The following FILIP1L variants were observed in gnomAD, a reference collection of about 807,000 sequenced individuals.
FILIP1L encodes the protein filamin A-interacting protein 1-like.
A neutral mutation model predicts 96.6 loss-of-function variants in FILIP1L; 55 were observed. The observed-to-expected ratio is 0.57, with a 90% CI of 0.46 to 0.71. The LOEUF (loss-of-function observed/expected upper bound fraction) is 0.71. Ranked by LOEUF, FILIP1L falls within the 30% of genes least tolerant of loss-of-function variation. The probability of loss-of-function intolerance (pLI) is 0.00; values close to 1 mark genes in which losing one functional copy is unlikely to be tolerated. For missense variants in FILIP1L, 1,304 were observed against 1,321.2 expected (o/e 0.99, Z 0.20); for synonymous variants, 467 against 473.9 (o/e 0.99, Z 0.19).
At chr3:99,869,649 G>A (rs1465994871) in intron 4 of FILIP1L, among the ~76,000 whole-genome samples, 1 of 152,120 alleles carries the variant, frequency 6.6e-6, no homozygotes, top group Admixed American at 6.5e-5. Flanking sequence ...TCCTGGACCA[G>A]GCAACTCCTT....
intron 4 of FILIP1L, among the ~76,000 whole-genome samples, chr3:99,921,839 T>A (rs1344634573): frequency 6.6e-6 from 1 of 152,244 alleles, no homozygotes; most frequent in Non-Finnish European, 1.5e-5. Context: ...TCCCACAATT[T>A]TTCTTTTCCT....
intron 1 of FILIP1L, among the ~76,000 whole-genome samples, chr3:99,964,743 C>T (rs923732098): frequency 1.3e-5 from 2 of 152,002 alleles, no homozygotes; most frequent in South Asian, 2.1e-4. Context: ...GGAGGGCAGC[C>T]GAAGAAAGAG....
At chr3:100,024,831 C>T (rs2064889487) in intron 1 of FILIP1L, among the ~76,000 whole-genome samples, 1 of 152,094 alleles carries the variant, frequency 6.6e-6, no homozygotes, top group East Asian at 1.9e-4. Flanking sequence ...AGGGTGGTTA[C>T]AAGGCTTGCC....
intron 4 of FILIP1L, among the ~76,000 whole-genome samples, chr3:99,882,235 G>A (rs1317742369): frequency 6.6e-6 from 1 of 152,096 alleles, no homozygotes; most frequent in Non-Finnish European, 1.5e-5. Flanking sequence ...ATTTTAAAAC[G>A]TCCCTTTCGG....
intron 1 of FILIP1L, chr3:99,964,321 C>T (rs1708581958): frequency 6.7e-6 from 1 of 149,156 alleles, no homozygotes; most frequent in Non-Finnish European, 1.5e-5. Flanking sequence ...CTCCCTAGCC[C>T]AGTACAAGGC....
chr3:100,085,568 T>G (rs1326611993), intron 1 of FILIP1L, among the ~76,000 whole-genome samples: 3 of 152,208 alleles, frequency 2.0e-5, no homozygotes, highest in African/African-American at 4.8e-5. Flanking sequence ...TCTGTGTTCC[T>G]CTTTCATCCT....
At chr3:99,918,712 ATC>A (rs1707032804) in intron 4 of FILIP1L, among the ~76,000 whole-genome samples, 3 of 152,186 alleles carry the variant, frequency 2.0e-5, no homozygotes, top group Admixed American at 2.0e-4. Context: ...GAGGTAATTA[ATC>A]TCTCTGCATC....
intron 1 of FILIP1L, chr3:100,010,118 C>G: frequency 2.1e-6 from 2 of 952,938 alleles, no homozygotes; most frequent in Non-Finnish European, 2.5e-6. Flanking sequence ...CTTTCTGTCT[C>G]TCTTATTTTT....
intron 1 of FILIP1L, among the ~76,000 whole-genome samples, chr3:100,013,435 G>A (rs1354154573): frequency 1.3e-5 from 2 of 151,364 alleles, no homozygotes; most frequent in East Asian, 3.9e-4. Flanking sequence ...GTAGAGACCG[G>A]GTTTCCCCAT....
intron 1 of FILIP1L, among the ~76,000 whole-genome samples, chr3:100,010,869 C>T (rs1157077617): frequency 8.0e-5 from 12 of 149,794 alleles, no homozygotes; most frequent in South Asian, 2.1e-4. Context: ...CCTCATGATC[C>T]GCCTGCTTCA....
At chr3:99,999,130 A>G (rs556726703) in intron 1 of FILIP1L, among the ~76,000 whole-genome samples, 2 of 150,900 alleles carry the variant, frequency 1.3e-5, no homozygotes, top group South Asian at 4.2e-4. Context: ...TGCCAGTTTT[A>G]TGCCATGAAT....
At chr3:100,107,156 A>T (rs1216221744) in intron 1 of FILIP1L, among the ~76,000 whole-genome samples, 3 of 152,186 alleles carry the variant, frequency 2.0e-5, no homozygotes, top group African/African-American at 7.2e-5. Flanking sequence ...TTATATACAG[A>T]TTAATTCCAC....
intron 1 of FILIP1L, among the ~76,000 whole-genome samples, chr3:99,983,389 A>AATAAATAAATATATATAT (rs1302972402): frequency 7.4e-5 from 3 of 40,788 alleles, no homozygotes; most frequent in African/African-American, 3.1e-4. Context: ...TAAATAAATA[A>AATAAATAAATATATATAT]ATATATATAT....
chr3:99,902,641 C>G (rs1009716786), intron 4 of FILIP1L, among the ~76,000 whole-genome samples: 11 of 152,110 alleles, frequency 7.2e-5, no homozygotes, highest in Admixed American at 7.2e-4. Context: ...ACTGGACAAC[C>G]AAAAAGATTA....
chr3:100,057,690 C>A (rs1184298689), intron 1 of FILIP1L, among the ~76,000 whole-genome samples: 1 of 152,114 alleles, frequency 6.6e-6, no homozygotes, highest in South Asian at 2.1e-4. Context: ...GCAGAGAAGC[C>A]CCCTGCTTGC....
chr3:100,010,260 T>C, intron 1 of FILIP1L: 1 of 337,988 alleles, frequency 3.0e-6, no homozygotes, highest in Admixed American at 6.4e-5. Context: ...CCCACAACAT[T>C]GTCCTTAGTA....
At chr3:99,969,427 A>G (rs377475994) in intron 1 of FILIP1L, among the ~76,000 whole-genome samples, 3 of 152,328 alleles carry the variant, frequency 2.0e-5, no homozygotes, top group African/African-American at 7.2e-5. Context: ...GCAGATTTAT[A>G]TAGTTGCGTC....
chr3:99,836,576 C>T (rs975247852), intron 5 of FILIP1L, among the ~76,000 whole-genome samples: 7 of 152,130 alleles, frequency 4.6e-5, no homozygotes, highest in African/African-American at 1.7e-4. Flanking sequence ...CTTCTCCCAC[C>T]ATAGGTACTT....
intron 1 of FILIP1L, among the ~76,000 whole-genome samples, chr3:99,998,043 A>G (rs889514988): frequency 6.6e-5 from 10 of 152,260 alleles, no homozygotes; most frequent in African/African-American, 2.2e-4. Context: ...AAACTTGTGG[A>G]AACACAAGTT....
Sources: allele counts gnomAD v4.1 joint callset (sites outside exome capture counted in the v4.1 genomes callset), GRCh38; gene constraint gnomAD v4.1.1; transcripts MANE v1.5; gene names NCBI Gene and HGNC (gene_info 2026-07-23, HGNC 2026-07-21).